Variants in FAM193A observed in about 807,000 individuals in gnomAD.
FAM193A encodes protein FAM193A.
In FAM193A, 22 loss-of-function variants were observed where a neutral mutation model predicts 126.5. The observed-to-expected ratio is 0.17, with a 90% CI of 0.12 to 0.25. The LOEUF is 0.25. Ranked by LOEUF, FAM193A falls within the 10% of genes least tolerant of loss-of-function variation. The pLI, the probability that FAM193A is intolerant of heterozygous loss-of-function variation, is 1.00. For missense variants in FAM193A, 1,675 were observed against 1,672.8 expected (o/e 1.00, Z -0.02); for synonymous variants, 761 against 646.8 (o/e 1.18, Z -2.68).
chr4:2,580,535 G>A (rs1231042627), intron 1 of FAM193A, among the ~76,000 whole-genome samples: 2 of 152,118 alleles, frequency 1.3e-5, no homozygotes, highest in African/African-American at 4.8e-5. Context: ...GGGTCTGCTG[G>A]GAAGTGTTGG....
intron 5 of FAM193A, among the ~76,000 whole-genome samples, chr4:2,639,496 C>A (rs1182849735): frequency 3.3e-5 from 5 of 152,018 alleles, no homozygotes; most frequent in African/African-American, 2.4e-5. Flanking sequence ...TCTAAACTTG[C>A]CATTTTAGAG....
intron 1 of FAM193A, among the ~76,000 whole-genome samples, chr4:2,579,493 T>A (rs889321304): frequency 1.3e-5 from 2 of 152,040 alleles, no homozygotes; most frequent in African/African-American, 4.8e-5. Context: ...AACCCAGGCG[T>A]TGGAGACCAA....
Position 2,700,166 on chromosome 4 carries a change from A to G in FAM193A, c.3994A>G (p.Lys1332Glu). 6.2e-7 allele frequency: 1 copy of G among 1,613,552 alleles called. No homozygotes were observed. Among genetic ancestry groups the G allele is most frequent in the Non-Finnish European group, 8.5e-7 (1 of 1,179,944 alleles). Residue 1332 changes from lysine to glutamate, a missense_variant, in exon 19 of 21, where the codon AAA becomes GAA. Physicochemically the swap from Lys to Glu is moderately conservative, Grantham distance 56. This residue lies in a region of FAM193A where 415 missense variants were observed against 396.7 expected (regional missense o/e 1.05). Transcript: ENST00000637812. ...TTTCTTCGACATCATGCAGCACCATAAAGAAGGAAATGGCAAGCAGAAGCT... is the reference window on the plus strand; with the variant it reads ...TTTCTTCGACATCATGCAGCACCATGAAGAAGGAAATGGCAAGCAGAAGCT... The part of the protein sequence containing the change: ...SFFFDIMQHH[K>E]EGNGKQKLRQ...
At chr4:2,571,336 C>T (rs1041656743) in intron 1 of FAM193A, among the ~76,000 whole-genome samples, 1 of 152,116 alleles carries the variant, frequency 6.6e-6, no homozygotes, top group Non-Finnish European at 1.5e-5. Context: ...TCTAGAGTAC[C>T]AGGCAGATGT....
intron 1 of FAM193A, among the ~76,000 whole-genome samples, chr4:2,560,576 A>G (rs1738550223): frequency 6.6e-6 from 1 of 152,158 alleles, no homozygotes; most frequent in Non-Finnish European, 1.5e-5. Flanking sequence ...GGAAGAAAGC[A>G]TCTATCCATT....
At chr4:2,564,987 A>G (rs1264484041) in intron 1 of FAM193A, among the ~76,000 whole-genome samples, 1 of 151,956 alleles carries the variant, frequency 6.6e-6, no homozygotes, top group Non-Finnish European at 1.5e-5. Flanking sequence ...TTGCAGAGCC[A>G]GGGGTCTTGC....
intron 19 of FAM193A, among the ~76,000 whole-genome samples, chr4:2,714,115 CT>C (rs1338470837): frequency 6.6e-6 from 1 of 152,176 alleles, no homozygotes; most frequent in Non-Finnish European, 1.5e-5. Context: ...TCTTCTAGAA[CT>C]TCTTGTGGGC....
chr4:2,700,938 GT>G (rs1717654533), intron 19 of FAM193A, among the ~76,000 whole-genome samples: 1 of 151,984 alleles, frequency 6.6e-6, no homozygotes. Context: ...GCACTCCAGC[GT>G]GGGTGACAGA....
chr4:2,544,991 C>A (rs969245598), intron 1 of FAM193A, among the ~76,000 whole-genome samples: 1 of 151,298 alleles, frequency 6.6e-6, no homozygotes, highest in African/African-American at 2.4e-5. Context: ...CTTTGAATTT[C>A]TTTCTTTCTT....
intron 16 of FAM193A, among the ~76,000 whole-genome samples, chr4:2,694,078 G>GGGGACGT (rs1716753510): frequency 6.6e-6 from 1 of 152,358 alleles, no homozygotes; most frequent in Admixed American, 6.5e-5. Flanking sequence ...GGGAAGAGCA[G>GGGGACGT]GGGCCGTGGG....
intron 18 of FAM193A, among the ~76,000 whole-genome samples, chr4:2,698,701 G>A (rs537672973): frequency 2.6e-5 from 4 of 152,186 alleles, no homozygotes; most frequent in African/African-American, 7.2e-5. Context: ...GGGTGGAGCC[G>A]TGCTCCTAAC....
chr4:2,550,557 C>A (rs914574400), intron 1 of FAM193A, among the ~76,000 whole-genome samples: 1 of 151,710 alleles, frequency 6.6e-6, no homozygotes, highest in Non-Finnish European at 1.5e-5. Context: ...CTGCCCCAGC[C>A]TCCCGAGTAG....
intron 1 of FAM193A, among the ~76,000 whole-genome samples, chr4:2,569,561 G>A (rs116182475): frequency 2.0e-5 from 3 of 152,152 alleles, no homozygotes; most frequent in African/African-American, 7.2e-5. Context: ...TGCAGTGGCC[G>A]ATCATGACTC....
chr4:2,545,053 C>T (rs978033519), intron 1 of FAM193A, among the ~76,000 whole-genome samples: 52 of 151,902 alleles, frequency 3.4e-4, no homozygotes, highest in Non-Finnish European at 6.2e-4. Context: ...AGTGCAGTGG[C>T]GTGATCTCGG....
chr4:2,642,125 C>G (rs1454573395), intron 6 of FAM193A, among the ~76,000 whole-genome samples: 1 of 109,878 alleles, frequency 9.1e-6, no homozygotes, highest in Non-Finnish European at 1.8e-5. Context: ...CCCGTCTCTA[C>G]TAAAAATACA....
In FAM193A at chr4:2,716,041, A is replaced by C; in HGVS notation, c.4391A>C (p.Lys1464Thr). The C allele has an allele frequency of 6.2e-7, 1 of 1,601,342 alleles. No individual in the cohort carries two copies. The highest frequency in any genetic ancestry group is 1.3e-5 in the African/African-American group (1 of 74,844). The change falls in exon 20 of 21, where the codon AAA becomes ACA. Residue 1464 changes from lysine (K) to threonine (T), a missense_variant. Transcript: ENST00000637812. ...NNSIDDVFLP[K>T]DIDLDSVDMD... ...TTTACAGATGATGTCTTTCTACCTA[A>C]AGATATTGACCTAGACAGTGTGGAT...
chr4:2,659,676 G>A lies in FAM193A; in HGVS notation c.1502+6G>A, dbSNP rs770927830. On this transcript the variant is annotated splice_donor_region_variant and intron_variant, in intron 9 of 20. Coordinates refer to ENST00000637812, the MANE Select transcript of FAM193A (RefSeq NM_001366318.2). Reference sequence around the variant, plus strand: ...AACTGCAACTACAGGAGAAGGTAAGGCTGGGTTGTGGTGTCAGCACGACTG... The same window carrying A: ...AACTGCAACTACAGGAGAAGGTAAGACTGGGTTGTGGTGTCAGCACGACTG... 2.5e-6 allele frequency: 4 copies of A among 1,613,652 alleles called. No homozygotes were observed. The South Asian group carries it at 4.4e-5, about 18-fold the overall frequency.
intron 12 of FAM193A, among the ~76,000 whole-genome samples, chr4:2,668,328 C>A (rs1301857765): frequency 6.6e-6 from 1 of 151,966 alleles, no homozygotes; most frequent in African/African-American, 2.4e-5. Context: ...ATTCTCCTGC[C>A]TCAGCCTCCC....
At chr4:2,657,082 C>T (rs996074061) in intron 7 of FAM193A, among the ~76,000 whole-genome samples, 1 of 152,176 alleles carries the variant, frequency 6.6e-6, no homozygotes, top group Admixed American at 6.5e-5. Context: ...GCACAAGAAT[C>T]GCTTGAACCC....
Sources: allele counts gnomAD v4.1 joint callset (sites outside exome capture counted in the v4.1 genomes callset), GRCh38; gene constraint gnomAD v4.1.1; regional missense constraint gnomAD v4.1.1; transcripts MANE v1.5; gene names NCBI Gene and HGNC (gene_info 2026-07-23, HGNC 2026-07-21).